The following ANK2 variants were observed in gnomAD, a reference collection of about 807,000 sequenced individuals.
ANK2 encodes ankyrin-2.
Under a neutral mutation model 360.5 loss-of-function variants are expected in ANK2, and 83 were observed. The observed-to-expected ratio is 0.23, with a 90% CI of 0.19 to 0.28. The LOEUF is 0.28. ANK2 is among the 10% of genes least tolerant of loss of function. ANK2 has a pLI of 1.00. For synonymous variants in ANK2, 1,740 were observed against 1,759.5 expected (o/e 0.99, Z 0.28); for missense variants, 4,201 against 4,795.7 (o/e 0.88, Z 3.66).
At chr4:112,801,404 C>A in the ANK2 span, among the ~76,000 whole-genome samples, 1 of 152,158 alleles carries the variant, frequency 6.6e-6, no homozygotes, top group African/African-American at 2.4e-5. Flanking sequence ...CCTACCATGT[C>A]CTTATTACTG....
rs2153633773 is a variant in ANK2 at position 113,258,094 on chromosome 4, C to T, written c.1233C>T (p.Ile411=). ...ACATTGCCTGCAAGAAAAACCGCATCAAAGTCATGGAACTGCTGGTGAAAT... is the reference window on the plus strand; with the variant it reads ...ACATTGCCTGCAAGAAAAACCGCATTAAAGTCATGGAACTGCTGGTGAAAT... ...PLHIACKKNR[I]KVMELLVKYG... The change falls in exon 12 of 46, where the codon ATC becomes ATT. Residue 411 remains isoleucine, a synonymous_variant. Transcript: ENST00000357077. 1 of 1,614,176 alleles carries T rather than the reference C, an allele frequency of 6.2e-7. No individual in the cohort carries two copies. The highest frequency in any genetic ancestry group is 1.1e-5 in the South Asian group (1 of 91,078).
intron 1 of ANK2, among the ~76,000 whole-genome samples, chr4:112,894,181 T>C (rs188780831): frequency 2.2e-4 from 34 of 152,186 alleles, no homozygotes; most frequent in Admixed American, 2.0e-3. Flanking sequence ...AAAAATCAAA[T>C]TCTCTCATTT....
chr4:113,255,846 G>A lies in ANK2; in HGVS notation c.1102G>A (p.Ala368Thr). Residue 368 changes from alanine (A) to threonine (T), a missense_variant, in exon 11 of 46, where the codon GCC becomes ACC. By Grantham distance (58) the Ala-to-Thr change is moderately conservative. Around this residue, in one of 4 missense-constraint regions of ANK2, gnomAD observed 1,268 missense variants for 1,650.8 expected, o/e 0.77. Coordinates refer to ENST00000357077, the MANE Select transcript of ANK2 (RefSeq NM_001148.6). ...TGATGTCACCCTAGACTACCTGACA[G>A]CCCTCCACGTTGCTGCGCACTGTGG... The part of the protein sequence containing the change: ...VDDVTLDYLT[A>T]LHVAAHCGHY... 6.2e-7 allele frequency: 1 copy of A among 1,614,236 alleles called. No individual in the cohort carries two copies. The highest frequency in any genetic ancestry group is 1.3e-5 in the African/African-American group (1 of 75,064).
the ANK2 span, among the ~76,000 whole-genome samples, chr4:112,777,721 G>A: frequency 6.8e-6 from 1 of 147,156 alleles, no homozygotes; most frequent in Admixed American, 6.8e-5. Context: ...AGGTTCAACC[G>A]ATTCTCCTGC....
chr4:113,306,405 G>A (rs2077268154), intron 23 of ANK2, among the ~76,000 whole-genome samples: 1 of 152,148 alleles, frequency 6.6e-6, no homozygotes, highest in African/African-American at 2.4e-5. Flanking sequence ...TTGGTCTGCT[G>A]ATGCATAAAA....
At chr4:113,374,779 C>T (rs1328181005) in intron 45 of ANK2, 1 of 1,140,198 alleles carries the variant, frequency 8.8e-7, no homozygotes, top group Admixed American at 3.4e-5. Flanking sequence ...TTTGTGTGAG[C>T]CCAGCATTTT....
At chr4:113,000,165 A>G (rs113800493) in intron 2 of ANK2, among the ~76,000 whole-genome samples, 193 of 152,344 alleles carry the variant, frequency 1.3e-3, no homozygotes, top group Middle Eastern at 3.4e-3. Context: ...AACTGTGGGA[A>G]AGTGACTGTG....
chr4:112,933,074 T>C (rs2093403861), intron 2 of ANK2, among the ~76,000 whole-genome samples: 1 of 152,204 alleles, frequency 6.6e-6, no homozygotes, highest in African/African-American at 2.4e-5. Context: ...TTAGTTGATA[T>C]TAAGAAATTG....
chr4:113,052,392 T>C (rs1401913930), intron 1 of ANK2, among the ~76,000 whole-genome samples: 1 of 152,194 alleles, frequency 6.6e-6, no homozygotes, highest in Non-Finnish European at 1.5e-5. Context: ...CACTATGGCC[T>C]GGGTGTGGAT....
At position 113,355,615 on chromosome 4, in the gene ANK2, G is replaced by C. The variant is rs756893923; in HGVS notation, c.6997G>C (p.Val2333Leu). ...RQDDCTGSCS[V>L]ALAKETPTGL... is the part of the protein sequence containing the mutation. ...AGATGATTGCACAGGCAGCTGTAGT[G>C]TAGCATTAGCTAAAGAGACACCTAC... Residue 2333 changes from valine (V) to leucine (L), a missense_variant, in exon 38 of 46, where the codon GTA (valine) becomes CTA (leucine). Around this residue, in one of 4 missense-constraint regions of ANK2, gnomAD observed 2,642 missense variants for 2,714.5 expected, o/e 0.97. Coordinates refer to ENST00000357077, the MANE Select transcript of ANK2 (RefSeq NM_001148.6). 6.2e-7 allele frequency: 1 copy of C among 1,614,088 alleles called. No homozygotes were observed. Among genetic ancestry groups the C allele is most frequent in the Admixed American group, 1.7e-5 (1 of 60,024 alleles).
At chr4:112,923,758 T>C (rs1315927746) in intron 2 of ANK2, among the ~76,000 whole-genome samples, 1 of 152,148 alleles carries the variant, frequency 6.6e-6, no homozygotes, top group Non-Finnish European at 1.5e-5. Context: ...TACTATGTTG[T>C]TAAGTTTTAG....
chr4:113,306,368 C>T (rs1462171454), intron 23 of ANK2, among the ~76,000 whole-genome samples: 1 of 152,082 alleles, frequency 6.6e-6, no homozygotes, highest in African/African-American at 2.4e-5. Flanking sequence ...AAGAGAGAGA[C>T]ACAGAGTGGC....
At chr4:112,970,272 A>G (rs2039023392) in intron 2 of ANK2, among the ~76,000 whole-genome samples, 1 of 152,014 alleles carries the variant, frequency 6.6e-6, no homozygotes, top group African/African-American at 2.4e-5. Context: ...GCCTGGCAAG[A>G]CATATAAATT....
chr4:113,025,513 T>C, intron 2 of ANK2, among the ~76,000 whole-genome samples: 1 of 152,214 alleles, frequency 6.6e-6, no homozygotes, highest in East Asian at 1.9e-4. Flanking sequence ...TCCAAATTCC[T>C]GGCACATAAT....
At chr4:113,276,045 G>A (rs1172604972) in intron 15 of ANK2, among the ~76,000 whole-genome samples, 1 of 150,582 alleles carries the variant, frequency 6.6e-6, no homozygotes, top group African/African-American at 2.4e-5. Flanking sequence ...GGGTTCAAGC[G>A]ATTCTTCTGC....
intron 1 of ANK2, among the ~76,000 whole-genome samples, chr4:113,140,855 G>T (rs897752883): frequency 6.6e-6 from 1 of 152,030 alleles, no homozygotes; most frequent in Non-Finnish European, 1.5e-5. Flanking sequence ...GTGCACGCCT[G>T]CAGTCCTTGC....
At chr4:113,222,674 G>A (rs1216099143) in intron 4 of ANK2, among the ~76,000 whole-genome samples, 2 of 152,120 alleles carry the variant, frequency 1.3e-5, no homozygotes, top group African/African-American at 2.4e-5. Flanking sequence ...TTCGTAAAAG[G>A]AGCCTAATAG....
Position 113,354,321 on chromosome 4 carries a change from C to A in ANK2, c.5703C>A (p.His1901Gln), listed in dbSNP as rs756365204. Residue 1901 changes from histidine to glutamine, a missense_variant, in exon 38 of 46, where the codon CAC becomes CAA. By Grantham distance (24) the His-to-Gln change is conservative. Coordinates refer to ENST00000357077, the MANE Select transcript of ANK2 (RefSeq NM_001148.6). ...TGTCATCTACAAAAACAGAAAGACACCCACCTGTTTCGCCTTCAGGCAAAA... is the reference window on the plus strand; with the variant it reads ...TGTCATCTACAAAAACAGAAAGACAACCACCTGTTTCGCCTTCAGGCAAAA... ...SPVSSTKTERHPPVSPSGKTD... is the reference protein window; with the variant it reads ...SPVSSTKTERQPPVSPSGKTD... 3 of 1,614,124 alleles carry A rather than the reference C, an allele frequency of 1.9e-6. No individual in the cohort carries two copies. Among genetic ancestry groups the A allele is most frequent in the Non-Finnish European group, 2.5e-6 (3 of 1,179,992 alleles).
intron 1 of ANK2, among the ~76,000 whole-genome samples, chr4:113,097,549 A>G (rs1262913535): frequency 6.6e-6 from 1 of 152,070 alleles, no homozygotes; most frequent in Non-Finnish European, 1.5e-5. Context: ...AGGATGGACT[A>G]GTGTTAGAGA....
Sources: gnomAD v4.1 joint callset for allele counts (sites outside exome capture counted in the v4.1 genomes callset) on GRCh38, gnomAD v4.1.1 for gene constraint, gnomAD v4.1.1 regional missense constraint, MANE v1.5 for transcripts, NCBI Gene and HGNC (gene_info 2026-07-23, HGNC 2026-07-21) for gene names.